Variants in CFAP45 observed in about 807,000 individuals in gnomAD.
CFAP45 encodes the protein cilia and flagella associated protein 45, also known as cilia- and flagella-associated protein 45.
In CFAP45, 43 loss-of-function variants were observed where a neutral mutation model predicts 75.6. That is an observed-to-expected ratio of 0.57 (90% confidence interval 0.45 to 0.73). The LOEUF (loss-of-function observed/expected upper bound fraction) is 0.73, where lower values mean the gene tolerates loss of function less well. Ranked by LOEUF, CFAP45 falls within the 30% of genes least tolerant of loss-of-function variation. CFAP45 has a pLI of 0.00. For synonymous variants in CFAP45, 223 were observed against 244.6 expected (o/e 0.91, Z 0.82); for missense variants, 689 against 701.5 (o/e 0.98, Z 0.20).
intron 1 of CFAP45, chr1:159,898,203 C>G (rs1649994776): frequency 2.0e-6 from 2 of 985,246 alleles, no homozygotes; most frequent in Admixed American, 6.2e-5. Context: ...CACGAGACCC[C>G]TTGCCTTTTA....
rs560740462 is a variant in CFAP45 at position 159,886,113 on chromosome 1, C to T, written c.767+398G>A. ...TCCCAGCACTTTGGGAGGCTGAGGC[C>T]GGGGGATCACTTGAGGTCAGGAGTT... is the stretch of plus-strand genomic sequence containing the variant. On this transcript the variant is annotated intron_variant, in intron 6 of 11. Coordinates refer to ENST00000368099, the MANE Select transcript of CFAP45 (RefSeq NM_012337.3). Among the ~76,000 whole-genome samples the T allele has an allele frequency of 9.2e-5, 14 of 152,052 alleles. No homozygotes were observed. The South Asian group carries it at 1.9e-3, about 20-fold the overall frequency.
At chr1:159,891,420 C>T (rs1394887415) in intron 2 of CFAP45, among the ~76,000 whole-genome samples, 2 of 152,188 alleles carry the variant, frequency 1.3e-5, no homozygotes, top group African/African-American at 4.8e-5. Flanking sequence ...CTGCAGAGGC[C>T]TACCCTTAAG....
At chr1:159,893,760 A>C (rs1474047945) in intron 1 of CFAP45, among the ~76,000 whole-genome samples, 5 of 152,146 alleles carry the variant, frequency 3.3e-5, no homozygotes, top group Non-Finnish European at 1.5e-5. Context: ...TATCTAGGAG[A>C]GGATTTTGAG....
At position 159,884,637 on chromosome 1, in the gene CFAP45, A is replaced by G; in HGVS notation, c.768-72T>C. 2.7e-6 allele frequency: 4 copies of G among 1,473,412 alleles called. No homozygotes were observed. The South Asian group carries it at 5.0e-5, about 18-fold the overall frequency. The allele number at this position is 1,473,412 out of a possible 1,614,324, so 91.3% of individuals were successfully genotyped here. The stretch of plus-strand genomic sequence containing the variant: ...TCTCCCAGAGTCCAACCTCCACCTA[A>G]ACAACCCCCAAGATGGGTGGTGTCA... On this transcript the variant is annotated intron_variant, in intron 6 of 11. Transcript: ENST00000368099.
intron 3 of CFAP45, 21 bp from the exon 4 acceptor site, chr1:159,888,517 G>T (rs1249591662): frequency 6.2e-7 from 1 of 1,611,398 alleles, no homozygotes; most frequent in African/African-American, 1.3e-5. Context: ...AATAAACAGA[G>T]TTAGGGAGGG....
intron 7 of CFAP45, among the ~76,000 whole-genome samples, chr1:159,881,083 C>A (rs1437873532): frequency 1.3e-5 from 2 of 152,232 alleles, no homozygotes; most frequent in East Asian, 3.8e-4. Flanking sequence ...AACTTTCACT[C>A]TCCAGTCAAT....
chr1:159,899,922 C>T lies in CFAP45; in HGVS notation c.3+174G>A, dbSNP rs552820441. The T allele has an allele frequency of 5.4e-5, 34 of 629,876 alleles. No homozygotes were observed. In the African/African-American group the frequency reaches 5.9e-4, roughly 11 times the overall value. 39.0% of individuals were successfully genotyped at this position (629,876 alleles called of 1,614,324 possible). A position where few individuals can be genotyped will look rare whatever the true frequency, so the allele number is the denominator to read the frequency against. On this transcript the variant is annotated intron_variant, in intron 1 of 11. Coordinates refer to ENST00000368099, the MANE Select transcript of CFAP45 (RefSeq NM_012337.3). ...ATCGTTATCGATGCTATCCCTAATT[C>T]CTCTTTTGAACCCACCTCAGGATCT...
intron 10 of CFAP45, 64 bp from the exon 11 acceptor site, chr1:159,873,232 G>T (rs1041821151): frequency 7.0e-7 from 1 of 1,437,180 alleles, no homozygotes; most frequent in Non-Finnish European, 9.7e-7. Flanking sequence ...GAAAGGTGGT[G>T]GGGGAGCCTC....
chr1:159,872,992 C>T lies in CFAP45; in HGVS notation c.1529G>A (p.Arg510His), dbSNP rs377234702. ...CTTGATCTCATCGATGCGCTCACGG[C>T]GTTTCTGGGCCTCCTCTTTGAGGCG... The part of the protein sequence containing the change: ...GRRLKEEAQK[R>H]RERIDEIKRK... The change falls in exon 11 of 12, where the codon CGC becomes CAC. Residue 510 changes from arginine (R) to histidine (H), a missense_variant. By Grantham distance (29) the Arg-to-His change is conservative. Transcript: ENST00000368099. 20 of 1,614,104 alleles carry T rather than the reference C, an allele frequency of 1.2e-5. No homozygotes were observed. In the East Asian group the frequency reaches 1.3e-4, roughly 11 times the overall value.
chr1:159,888,766 A>C (rs1229433954), intron 3 of CFAP45, among the ~76,000 whole-genome samples: 1 of 136,844 alleles, frequency 7.3e-6, no homozygotes, highest in Non-Finnish European at 1.6e-5. Flanking sequence ...GAGACCCCCC[A>C]TCATGTCCAC....
At chr1:159,883,642 A>G (rs1649604120) in intron 7 of CFAP45, among the ~76,000 whole-genome samples, 1 of 149,326 alleles carries the variant, frequency 6.7e-6, no homozygotes, top group South Asian at 2.1e-4. Context: ...ATATATATAT[A>G]TATATATATA....
At chr1:159,877,227 G>A (rs1287512819) in intron 9 of CFAP45, 122 bp downstream of exon 9, 1 of 784,018 alleles carries the variant, frequency 1.3e-6, no homozygotes, top group African/African-American at 1.7e-5. Flanking sequence ...GACTACTGAA[G>A]TCTAGGTAAC....
In CFAP45 at chr1:159,890,625, A is replaced by G; in HGVS notation, c.130-3T>C. ...TCGCTCTGGCCCTGGGCTGGGGACT[A>G]TGAGTTCAGAAAGAATAGCTTAGAA... On this transcript the variant is annotated splice_region_variant and splice_polypyrimidine_tract_variant and intron_variant, in intron 2 of 11. Transcript: ENST00000368099. 6.2e-7 allele frequency: 1 copy of G among 1,613,926 alleles called. No homozygotes were observed.
intron 8 of CFAP45, among the ~76,000 whole-genome samples, chr1:159,879,126 ACTC>A (rs553288141): frequency 6.6e-6 from 1 of 151,080 alleles, no homozygotes; most frequent in Non-Finnish European, 1.5e-5. Context: ...GACAAGATAT[ACTC>A]CTCTCTTGCT....
chr1:159,884,334 T>C lies in CFAP45; in HGVS notation c.897+102A>G, dbSNP rs777088573. On this transcript the variant is annotated intron_variant, in intron 7 of 11. Transcript: ENST00000368099. ...CGGTGATGATGTTGTGAAATGAGCATGTGCCTGGCAGAAAATCAGTCAACA... is the reference window on the plus strand; with the variant it reads ...CGGTGATGATGTTGTGAAATGAGCACGTGCCTGGCAGAAAATCAGTCAACA... 6.1e-5 allele frequency: 75 copies of C among 1,234,810 alleles called. No homozygotes were observed. The Middle Eastern group carries it at 1.4e-3, about 23-fold the overall frequency. The allele number at this position is 1,234,810 out of a possible 1,614,324, so 76.5% of individuals were successfully genotyped here.
intron 1 of CFAP45, among the ~76,000 whole-genome samples, chr1:159,894,400 G>A (rs1557916758): frequency 1.3e-5 from 2 of 152,100 alleles, no homozygotes; most frequent in Non-Finnish European, 2.9e-5. Context: ...CACAAATGAC[G>A]CTACTGTTTG....
In CFAP45 at chr1:159,879,772, A is replaced by G. The variant is rs142584656; in HGVS notation, c.1044+782T>C. 5.4e-4 allele frequency among the ~76,000 whole-genome samples: 82 copies of G among 152,306 alleles called. 1 individual carries two copies. The Middle Eastern group carries it at 0.014, about 25-fold the overall frequency. On this transcript the variant is annotated intron_variant, in intron 8 of 11. Transcript: ENST00000368099. Reference sequence around the variant, plus strand: ...CCCCTGGCCTTCTTTAAAAATCACTACTATAGAGGAGCATAGAGAAGTACA... The same window carrying G: ...CCCCTGGCCTTCTTTAAAAATCACTGCTATAGAGGAGCATAGAGAAGTACA...
At chr1:159,886,976 T>C (rs1206305895) in intron 5 of CFAP45, among the ~76,000 whole-genome samples, 1 of 152,128 alleles carries the variant, frequency 6.6e-6, no homozygotes, top group African/African-American at 2.4e-5. Context: ...GGTCACCCTT[T>C]GGAAATATGA....
intron 7 of CFAP45, among the ~76,000 whole-genome samples, chr1:159,883,227 T>A (rs984446254): frequency 6.6e-6 from 1 of 152,182 alleles, no homozygotes; most frequent in Non-Finnish European, 1.5e-5. Flanking sequence ...ATGTGAGATA[T>A]TCTTAAAGGC....
Sources: allele counts gnomAD v4.1 joint callset (sites outside exome capture counted in the v4.1 genomes callset), GRCh38; gene constraint gnomAD v4.1.1; transcripts MANE v1.5; gene names NCBI Gene and HGNC (gene_info 2026-07-23, HGNC 2026-07-21).